The following DOCK3 variants were observed in gnomAD, a reference collection of about 807,000 sequenced individuals.
The protein encoded by DOCK3 is dedicator of cytokinesis 3.
In DOCK3, 60 loss-of-function variants were observed where a neutral mutation model predicts 265.6. The observed-to-expected ratio is 0.23, with a 90% confidence interval of 0.18 to 0.28. The LOEUF (loss-of-function observed/expected upper bound fraction) is 0.28. DOCK3 is among the 10% of genes least tolerant of loss of function. DOCK3 has a pLI of 1.00. For synonymous variants in DOCK3, 881 were observed against 938.0 expected, an observed-to-expected ratio of 0.94 and a Z score of 1.11; for missense variants, 1,981 against 2,594.3, an observed-to-expected ratio of 0.76 and a Z score of 5.14.
intron 2 of DOCK3, among the ~76,000 whole-genome samples, chr3:50,780,908 T>C (rs1192074366): frequency 6.6e-6 from 1 of 152,152 alleles, no homozygotes; most frequent in African/African-American, 2.4e-5. Flanking sequence ...TATGAGGTGT[T>C]TAACTTTCTC....
intron 1 of DOCK3, among the ~76,000 whole-genome samples, chr3:50,735,357 T>G (rs943643615): frequency 6.6e-6 from 1 of 152,184 alleles, no homozygotes; most frequent in African/African-American, 2.4e-5. Flanking sequence ...ATTTGTTTAT[T>G]TTTTGAGATG....
At chr3:51,228,316 T>A (rs1390711711) in intron 17 of DOCK3, among the ~76,000 whole-genome samples, 1 of 152,236 alleles carries the variant, frequency 6.6e-6, no homozygotes, top group African/African-American at 2.4e-5. Flanking sequence ...CTCACTTCAC[T>A]GGATGGAAAT....
chr3:51,299,894 G>A (rs762609771), intron 27 of DOCK3, among the ~76,000 whole-genome samples: 4 of 152,150 alleles, frequency 2.6e-5, no homozygotes, highest in Admixed American at 1.3e-4. Context: ...TTGGCTATAC[G>A]GGCTCTTTTT....
intron 26 of DOCK3, chr3:51,278,052 G>A (rs2080909406): frequency 1.0e-6 from 1 of 985,416 alleles, no homozygotes; most frequent in East Asian, 1.1e-4. Context: ...TGGGATGTAT[G>A]TAAGATGTAG....
rs748694483 is a variant in DOCK3, at chr3:51,341,318, C to T, written c.3848C>T (p.Ser1283Leu). ...CTACGGGAATTCCTCCACTACCCAT[C>T]GCAGACAGAGTGGCAGCGGAAGGAG... Reference protein sequence around the residue: ...RPLREFLHYPSQTEWQRKEGL... With the variant: ...RPLREFLHYPLQTEWQRKEGL... Residue 1283 changes from serine to leucine, a missense_variant, in exon 38 of 53, where the codon TCG becomes TTG. Physicochemically the swap from Ser to Leu is moderately radical, Grantham distance 145. Transcript: ENST00000266037. 3.7e-6 allele frequency: 6 copies of T among 1,613,394 alleles called. No individual in the cohort carries two copies. In the African/African-American group the frequency reaches 4.0e-5, roughly 11 times the overall value.
At chr3:51,061,877 C>G (rs928891369) in intron 5 of DOCK3, among the ~76,000 whole-genome samples, 2 of 152,150 alleles carry the variant, frequency 1.3e-5, no homozygotes, top group Non-Finnish European at 2.9e-5. Context: ...TCAGACTTAG[C>G]ATGTCCAAAA....
At chr3:50,681,933 G>T (rs1216302433) in intron 1 of DOCK3, among the ~76,000 whole-genome samples, 1 of 152,174 alleles carries the variant, frequency 6.6e-6, no homozygotes, top group Non-Finnish European at 1.5e-5. Context: ...CATATCTATT[G>T]CCAATGCCCT....
intron 9 of DOCK3, among the ~76,000 whole-genome samples, chr3:51,138,644 T>TA (rs1331893536): frequency 2.0e-5 from 3 of 152,194 alleles, no homozygotes; most frequent in Admixed American, 1.3e-4. Flanking sequence ...TCCCTCCAAA[T>TA]AGTACCCTGC....
chr3:51,256,602 T>G (rs1297768974), intron 22 of DOCK3, among the ~76,000 whole-genome samples: 17 of 150,902 alleles, frequency 1.1e-4, no homozygotes, highest in African/African-American at 3.9e-4. Flanking sequence ...TGTTTTTTTT[T>G]TTTTTTTTTA....
intron 3 of DOCK3, among the ~76,000 whole-genome samples, chr3:50,878,723 A>G (rs1201194653): frequency 6.6e-6 from 1 of 152,210 alleles, no homozygotes; most frequent in East Asian, 1.9e-4. Flanking sequence ...TAACCAGGAG[A>G]ATATCCCCAA....
chr3:50,894,239 A>G (rs970967164), intron 4 of DOCK3, among the ~76,000 whole-genome samples: 9 of 152,080 alleles, frequency 5.9e-5, no homozygotes, highest in African/African-American at 2.2e-4. Flanking sequence ...TGTCTTATAT[A>G]AGAGAGCCTC....
intron 4 of DOCK3, among the ~76,000 whole-genome samples, chr3:50,907,163 G>A (rs997167878): frequency 3.3e-5 from 5 of 152,072 alleles, no homozygotes; most frequent in Non-Finnish European, 5.9e-5. Flanking sequence ...CCTGAGGAGT[G>A]CTTTACTTCC....
intron 32 of DOCK3, among the ~76,000 whole-genome samples, chr3:51,319,190 T>C (rs944894408): frequency 3.3e-5 from 5 of 152,168 alleles, no homozygotes; most frequent in Admixed American, 6.5e-5. Flanking sequence ...ATTAAACAAA[T>C]AAATAAATAT....
intron 2 of DOCK3, among the ~76,000 whole-genome samples, chr3:50,790,977 T>G (rs1164187546): frequency 6.6e-6 from 1 of 152,114 alleles, no homozygotes; most frequent in Non-Finnish European, 1.5e-5. Context: ...GTTGTTGTTA[T>G]AAATTTGTTT....
chr3:51,222,948 T>C (rs2090166331), intron 14 of DOCK3, among the ~76,000 whole-genome samples: 1 of 152,200 alleles, frequency 6.6e-6, no homozygotes, highest in Admixed American at 6.5e-5. Context: ...TCTGTTTATT[T>C]ATTTTTAAAA....
chr3:51,354,993 G>C lies in DOCK3; in HGVS notation c.4219G>C (p.Asp1407His). The C allele has an allele frequency of 6.2e-7, 1 of 1,613,892 alleles. No individual in the cohort carries two copies. The highest frequency in any genetic ancestry group is 2.2e-5 in the East Asian group (1 of 44,882). ...CGCCATGCAGCACCCCAACCATCCTGATGACGCCATCCTACAGTGCGATGC... is the reference window on the plus strand; with the variant it reads ...CGCCATGCAGCACCCCAACCATCCTCATGACGCCATCCTACAGTGCGATGC... ...AVAMQHPNHPDDAILQCDAQY... is the reference protein window; with the variant it reads ...AVAMQHPNHPHDAILQCDAQY... Residue 1407 changes from aspartate to histidine, a missense_variant, in exon 41 of 53, where the codon GAT (aspartate) becomes CAT (histidine). By Grantham distance (81) the Asp-to-His change is moderately conservative. Coordinates refer to ENST00000266037, the MANE Select transcript of DOCK3 (RefSeq NM_004947.5).
At chr3:51,173,020 A>G (rs1293272190) in intron 12 of DOCK3, among the ~76,000 whole-genome samples, 1 of 152,182 alleles carries the variant, frequency 6.6e-6, no homozygotes, top group African/African-American at 2.4e-5. Flanking sequence ...TATTCTTAAT[A>G]TTTTTGTCTC....
At chr3:51,260,629 C>T (rs1416487955) in intron 23 of DOCK3, among the ~76,000 whole-genome samples, 1 of 152,116 alleles carries the variant, frequency 6.6e-6, no homozygotes, top group South Asian at 2.1e-4. Flanking sequence ...TTTTTATGAA[C>T]ACCTTATTCA....
At chr3:50,744,153 C>T (rs1199972624) in intron 1 of DOCK3, among the ~76,000 whole-genome samples, 1 of 152,008 alleles carries the variant, frequency 6.6e-6, no homozygotes, top group Non-Finnish European at 1.5e-5. Flanking sequence ...AATTGTAGGC[C>T]TTCTTTATAT....
Sources: gnomAD v4.1 joint callset for allele counts (sites outside exome capture counted in the v4.1 genomes callset) on GRCh38, gnomAD v4.1.1 for gene constraint, MANE v1.5 for transcripts, NCBI Gene and HGNC (gene_info 2026-07-23, HGNC 2026-07-21) for gene names.